The following NPNT variants were observed in gnomAD, a reference collection of about 807,000 sequenced individuals.
NPNT encodes preosteoblast EGF-like repeat protein with MAM domain.
A neutral mutation model predicts 68.6 loss-of-function variants in NPNT; 45 were observed. The ratio of observed to expected loss-of-function variants is 0.66; its 90% confidence interval spans 0.52 to 0.84. The LOEUF (loss-of-function observed/expected upper bound fraction) is 0.84, where lower values mean the gene tolerates loss of function less well. NPNT is among the 40% of genes least tolerant of loss of function. The pLI, the probability that NPNT is intolerant of heterozygous loss-of-function variation, is 0.00. For synonymous variants in NPNT, 233 were observed against 253.3 expected, an observed-to-expected ratio of 0.92 and a Z score of 0.76; for missense variants, 672 against 714.8, an observed-to-expected ratio of 0.94 and a Z score of 0.68.
Position 105,967,331 on chromosome 4 carries a change from C to G in NPNT, c.1489C>G (p.Leu497Val). The G allele has an allele frequency of 6.2e-7, 1 of 1,611,776 alleles. No homozygotes were observed. Among genetic ancestry groups the G allele is most frequent in the Non-Finnish European group, 8.5e-7 (1 of 1,178,918 alleles). ...HKVTGLHSGT[L>V]QVFVRKHGAH... Reference sequence around the variant, plus strand: ...GGTGACGGGGCTGCACTCTGGCACACTCCAGGTGTTTGTGAGAAAACACGG... The same window carrying G: ...GGTGACGGGGCTGCACTCTGGCACAGTCCAGGTGTTTGTGAGAAAACACGG... The change falls in exon 11 of 12, where the codon CTC becomes GTC. Residue 497 changes from leucine (L) to valine (V), a missense_variant. Physicochemically the swap from Leu to Val is conservative, Grantham distance 32 (BLOSUM62 1). Transcript: ENST00000379987.
intron 10 of NPNT, among the ~76,000 whole-genome samples, chr4:105,960,889 G>T (rs2149404818): frequency 6.6e-6 from 1 of 152,098 alleles, no homozygotes; most frequent in Non-Finnish European, 1.5e-5. Context: ...CAGAGTTGTA[G>T]CAATTTACAC....
At chr4:105,925,127 C>T (rs1728587962) in intron 2 of NPNT, among the ~76,000 whole-genome samples, 1 of 151,962 alleles carries the variant, frequency 6.6e-6, no homozygotes, top group African/African-American at 2.4e-5. Flanking sequence ...GCATATAAAC[C>T]ATCCGCCTAG....
chr4:105,903,103 C>G (rs1406462010), intron 2 of NPNT, among the ~76,000 whole-genome samples: 1 of 152,176 alleles, frequency 6.6e-6, no homozygotes, highest in Admixed American at 6.5e-5. Context: ...CACGCATGTA[C>G]ACACTGGGAC....
chr4:105,900,244 T>C (rs886774473), intron 2 of NPNT, among the ~76,000 whole-genome samples: 1 of 152,186 alleles, frequency 6.6e-6, no homozygotes, highest in Non-Finnish European at 1.5e-5. Flanking sequence ...CACTTTGGAA[T>C]TTTCCTTCAA....
chr4:105,919,448 A>G (rs1728073938), intron 2 of NPNT, among the ~76,000 whole-genome samples: 1 of 152,144 alleles, frequency 6.6e-6, no homozygotes, highest in African/African-American at 2.4e-5. Context: ...TAAACAATCC[A>G]TATTTAGATT....
At chr4:105,921,258 A>G (rs1442895176) in intron 2 of NPNT, among the ~76,000 whole-genome samples, 1 of 152,180 alleles carries the variant, frequency 6.6e-6, no homozygotes, top group African/African-American at 2.4e-5. Flanking sequence ...AATGCACTCA[A>G]AAATGCTGGA....
At chr4:105,921,131 T>C (rs1728227907) in intron 2 of NPNT, among the ~76,000 whole-genome samples, 1 of 152,220 alleles carries the variant, frequency 6.6e-6, no homozygotes, top group Non-Finnish European at 1.5e-5. Flanking sequence ...AAGAAGTATT[T>C]AAGTTATTTA....
At chr4:105,929,638 A>T (rs2043886587) in intron 3 of NPNT, 1 of 151,902 alleles carries the variant, frequency 6.6e-6, no homozygotes, top group Non-Finnish European at 1.5e-5. Flanking sequence ...CTTTTTTTAA[A>T]GTGGTGAACA....
intron 2 of NPNT, among the ~76,000 whole-genome samples, chr4:105,916,889 T>TA (rs1248714027): frequency 1.3e-5 from 2 of 151,928 alleles, no homozygotes; most frequent in African/African-American, 2.4e-5. Flanking sequence ...AAAAGGGATT[T>TA]AAAAAAAAGA....
At chr4:105,937,503 A>G (rs894313172) in intron 4 of NPNT, among the ~76,000 whole-genome samples, 6 of 151,242 alleles carry the variant, frequency 4.0e-5, no homozygotes, top group South Asian at 4.2e-4. Context: ...CTGCTCAGAC[A>G]GAATCCATCA....
At chr4:105,912,458 G>A (rs1727449050) in intron 2 of NPNT, 1 of 461,612 alleles carries the variant, frequency 2.2e-6, no homozygotes, top group Admixed American at 4.3e-5. Flanking sequence ...CGTTTCAGTT[G>A]ATTATTCCTT....
At chr4:105,898,312 GTCTC>G (rs1386038909) in intron 2 of NPNT, among the ~76,000 whole-genome samples, 841 of 39,108 alleles carry the variant, frequency 0.022, 2 homozygotes, top group Middle Eastern at 0.047. Context: ...CTCTCTCTCT[GTCTC>G]TCTCTCTCTC....
intron 9 of NPNT, 199 bp from the exon 10 acceptor site, chr4:105,958,829 G>T: frequency 1.8e-6 from 1 of 563,022 alleles, no homozygotes. Flanking sequence ...GGCAACACTT[G>T]TGTGTTCTAT....
At chr4:105,927,830 C>T (rs1176908633) in intron 3 of NPNT, among the ~76,000 whole-genome samples, 1 of 152,130 alleles carries the variant, frequency 6.6e-6, no homozygotes, top group Non-Finnish European at 1.5e-5. Context: ...TTTGGAGTTT[C>T]CTCCTAACTC....
intron 1 of NPNT, among the ~76,000 whole-genome samples, chr4:105,897,655 C>G (rs1419380772): frequency 6.6e-6 from 1 of 152,130 alleles, no homozygotes; most frequent in African/African-American, 2.4e-5. Context: ...AAGCATCTTT[C>G]CCTCCCGTTT....
chr4:105,949,530 C>T (rs1397265948), intron 8 of NPNT, among the ~76,000 whole-genome samples: 2 of 152,110 alleles, frequency 1.3e-5, no homozygotes, highest in African/African-American at 4.8e-5. Context: ...CCTGTATGGA[C>T]ACCATAGGTT....
chr4:105,912,192 C>T (rs959324661), intron 2 of NPNT: 2 of 1,533,176 alleles, frequency 1.3e-6, no homozygotes, highest in Admixed American at 3.9e-5. Context: ...TTGCAGCTTT[C>T]TACGTCTTAA....
chr4:105,935,151 C>T (rs1311410262), intron 3 of NPNT, among the ~76,000 whole-genome samples: 1 of 152,190 alleles, frequency 6.6e-6, no homozygotes, highest in Non-Finnish European at 1.5e-5. Flanking sequence ...CCTAGGGATA[C>T]TTAACTGACA....
Position 105,958,449 on chromosome 4 carries a change from A to G in NPNT, c.1160-22A>G, listed in dbSNP as rs1017447834. 5.3e-6 allele frequency: 8 copies of G among 1,516,970 alleles called. No individual in the cohort carries two copies. The Admixed American group carries it at 8.5e-5, about 16-fold the overall frequency. The allele number at this position is 1,516,970 out of a possible 1,614,324, so 94.0% of individuals were successfully genotyped here. On this transcript the variant is annotated intron_variant, in intron 8 of 11. Transcript: ENST00000379987. ...ACTTCACACACACACACACACAAAA[A>G]CTCAAAACCTTTCTCTTGCAGTTCC...
Sources: allele counts gnomAD v4.1 joint callset (sites outside exome capture counted in the v4.1 genomes callset), GRCh38; gene constraint gnomAD v4.1.1; transcripts MANE v1.5; gene names NCBI Gene and HGNC (gene_info 2026-07-23, HGNC 2026-07-21).